GRIN2A: variants seen among roughly 807,000 people sequenced by gnomAD.
GRIN2A encodes glutamate ionotropic receptor NMDA type subunit 2A, also known as glutamate receptor ionotropic, NMDA 2A.
In GRIN2A, 22 loss-of-function variants were observed where a neutral mutation model predicts 113.4. The ratio of observed to expected loss-of-function variants is 0.19; its 90% CI spans 0.14 to 0.28. The LOEUF is 0.28. GRIN2A is among the 10% of genes least tolerant of loss of function. The probability of loss-of-function intolerance (pLI) is 1.00; values close to 1 mark genes in which losing one functional copy is unlikely to be tolerated. For synonymous variants in GRIN2A, 827 were observed against 738.4 expected, an observed-to-expected ratio of 1.12 and a Z score of -1.94; for missense variants, 1,502 against 1,887.0, an observed-to-expected ratio of 0.80 and a Z score of 3.78.
At chr16:9,807,449 G>C (rs1223801381) in intron 10 of GRIN2A, among the ~76,000 whole-genome samples, 1 of 151,344 alleles carries the variant, frequency 6.6e-6, no homozygotes, top group Non-Finnish European at 1.5e-5. Context: ...GAGACAGAGA[G>C]AGAGAGAAAG....
chr16:10,009,873 A>G (rs1383000347), intron 2 of GRIN2A, among the ~76,000 whole-genome samples: 1 of 152,244 alleles, frequency 6.6e-6, no homozygotes, highest in Non-Finnish European at 1.5e-5. Context: ...CCAGACAGAA[A>G]GAAGTCACGT....
chr16:9,990,569 A>G lies in GRIN2A; in HGVS notation c.415-52018T>C, dbSNP rs1336588800. 3.6e-3 allele frequency among the ~76,000 whole-genome samples: 416 copies of G among 116,322 alleles called. 2 individuals are homozygous for G. The highest frequency in any genetic ancestry group is 0.021 in the East Asian group (90 of 4,232). 76.3% of individuals were successfully genotyped at this position (116,322 alleles called of 152,430 possible). ...CACGCGCGCGCGCGCGCGCGCACAC[A>G]CACACACACACACACACACACACAC... On this transcript the variant is annotated intron_variant, in intron 2 of 12. Transcript: ENST00000330684.
intron 2 of GRIN2A, among the ~76,000 whole-genome samples, chr16:10,062,117 C>T (rs1030430417): frequency 3.9e-5 from 6 of 152,116 alleles, no homozygotes; most frequent in African/African-American, 1.4e-4. Flanking sequence ...AACCCAGGTC[C>T]GGTACTTGCT....
At chr16:10,132,413 G>C (rs2049085315) in intron 2 of GRIN2A, among the ~76,000 whole-genome samples, 1 of 151,456 alleles carries the variant, frequency 6.6e-6, no homozygotes, top group African/African-American at 2.4e-5. Context: ...GGCAAAGCTG[G>C]ATTTGGGGCC....
At chr16:9,865,806 C>T (rs960161563) in intron 4 of GRIN2A, among the ~76,000 whole-genome samples, 1 of 152,068 alleles carries the variant, frequency 6.6e-6, no homozygotes, top group Non-Finnish European at 1.5e-5. Flanking sequence ...TCTGCACAGC[C>T]CACAAGCTAA....
At chr16:9,906,935 G>A (rs746626761) in intron 3 of GRIN2A, among the ~76,000 whole-genome samples, 67 of 152,044 alleles carry the variant, frequency 4.4e-4, no homozygotes, top group Non-Finnish European at 8.7e-4. Flanking sequence ...CTCAACCTCC[G>A]GGGCTCAAGT....
At chr16:10,179,330 T>C (rs574923335) in intron 2 of GRIN2A, among the ~76,000 whole-genome samples, 1 of 152,306 alleles carries the variant, frequency 6.6e-6, no homozygotes, top group African/African-American at 2.4e-5. Flanking sequence ...CTCCATGCTC[T>C]GGGTTTGGAG....
intron 2 of GRIN2A, among the ~76,000 whole-genome samples, chr16:10,016,272 C>T (rs996279829): frequency 4.6e-5 from 7 of 152,090 alleles, no homozygotes; most frequent in Admixed American, 1.3e-4. Flanking sequence ...GATACCTGAG[C>T]GTTGTTTGGT....
chr16:9,924,773 T>A (rs2044424453), intron 3 of GRIN2A, among the ~76,000 whole-genome samples: 1 of 152,238 alleles, frequency 6.6e-6, no homozygotes, highest in African/African-American at 2.4e-5. Context: ...TTCACTGATT[T>A]TTTTCTTCTT....
At chr16:10,113,421 C>T (rs778934091) in intron 2 of GRIN2A, among the ~76,000 whole-genome samples, 8 of 152,208 alleles carry the variant, frequency 5.3e-5, no homozygotes, top group African/African-American at 1.9e-4. Flanking sequence ...CTGTCCCTGG[C>T]CCCGGGGAGG....
At chr16:9,870,628 CTT>C (rs951273100) in intron 4 of GRIN2A, among the ~76,000 whole-genome samples, 14 of 138,184 alleles carry the variant, frequency 1.0e-4, no homozygotes, top group Admixed American at 2.9e-4. Flanking sequence ...AACTTTTTTT[CTT>C]TTTTTTTTTT....
At chr16:10,051,745 G>T (rs543045163) in intron 2 of GRIN2A, among the ~76,000 whole-genome samples, 1 of 152,300 alleles carries the variant, frequency 6.6e-6, no homozygotes, top group African/African-American at 2.4e-5. Context: ...GCATGCCAGG[G>T]TGAGTGCAAT....
chr16:10,102,799 C>A (rs1252079341), intron 2 of GRIN2A, among the ~76,000 whole-genome samples: 1 of 152,150 alleles, frequency 6.6e-6, no homozygotes, highest in Non-Finnish European at 1.5e-5. Context: ...ACAGAGCTAG[C>A]AAGAGGTAGA....
At chr16:9,969,636 T>A (rs576936759) in intron 2 of GRIN2A, among the ~76,000 whole-genome samples, 25 of 152,210 alleles carry the variant, frequency 1.6e-4, no homozygotes, top group Middle Eastern at 3.4e-3. Flanking sequence ...TCCACAGCCA[T>A]CCAGATACCC....
At chr16:10,094,467 G>C (rs1206193529) in intron 2 of GRIN2A, among the ~76,000 whole-genome samples, 1 of 143,006 alleles carries the variant, frequency 7.0e-6, no homozygotes, top group East Asian at 2.0e-4. Context: ...TTTTTTTTTT[G>C]AGATGGAATC....
intron 10 of GRIN2A, among the ~76,000 whole-genome samples, chr16:9,814,974 T>G (rs1385630510): frequency 2.6e-5 from 4 of 151,100 alleles, no homozygotes; most frequent in African/African-American, 4.9e-5. Flanking sequence ...TGAGCCGAGA[T>G]TGTGCCATTG....
At chr16:10,053,347 C>A (rs2047391679) in intron 2 of GRIN2A, among the ~76,000 whole-genome samples, 1 of 152,206 alleles carries the variant, frequency 6.6e-6, no homozygotes, top group Admixed American at 6.5e-5. Flanking sequence ...ACATCTACCA[C>A]AGATCAGAAT....
intron 10 of GRIN2A, among the ~76,000 whole-genome samples, chr16:9,810,497 C>T: frequency 6.6e-6 from 1 of 152,148 alleles, no homozygotes; most frequent in Non-Finnish European, 1.5e-5. Flanking sequence ...GAGATAAAGT[C>T]ATCCTGGATT....
At chr16:9,795,384 C>T (rs1902915716) in intron 11 of GRIN2A, among the ~76,000 whole-genome samples, 1 of 152,252 alleles carries the variant, frequency 6.6e-6, no homozygotes, top group African/African-American at 2.4e-5. Flanking sequence ...CCTATATGGT[C>T]TAAAAAAGGG....
Sources: gnomAD v4.1 joint callset for allele counts (sites outside exome capture counted in the v4.1 genomes callset) on GRCh38, gnomAD v4.1.1 for gene constraint, MANE v1.5 for transcripts, NCBI Gene and HGNC (gene_info 2026-07-23, HGNC 2026-07-21) for gene names.